The following NEK6 variants were observed in gnomAD, a reference collection of about 807,000 sequenced individuals.
The protein encoded by NEK6 is NIMA related kinase 6, also known as serine/threonine-protein kinase Nek6.
Under a neutral mutation model 43.5 loss-of-function variants are expected in NEK6, and 27 were observed. The ratio of observed to expected loss-of-function variants is 0.62; its 90% confidence interval spans 0.46 to 0.86. The LOEUF is 0.86. NEK6 is among the 40% of genes least tolerant of loss of function. NEK6 has a pLI of 0.00. For synonymous variants in NEK6, 167 were observed against 164.1 expected (o/e 1.02, Z -0.14); for missense variants, 318 against 414.4 (o/e 0.77, Z 2.02).
chr9:124,331,687 C>T lies in NEK6; in HGVS notation c.622+4242C>T, dbSNP rs543581302. On this transcript the variant is annotated intron_variant, in intron 7 of 9. Coordinates refer to ENST00000320246, the MANE Select transcript of NEK6 (RefSeq NM_014397.6). ...AGCCTCCTCTCATGGTGTGTGTCAG[C>T]GCTGCCTTGCCGGGGATCACACCAT... 2.6e-5 allele frequency among the ~76,000 whole-genome samples: 4 copies of T among 152,342 alleles called. No homozygotes were observed. In the South Asian group the frequency reaches 8.3e-4, roughly 32 times the overall value.
chr9:124,340,145 C>CCTCTCCCCAAAGACCACCAT (rs1451262003), intron 8 of NEK6, among the ~76,000 whole-genome samples: 16 of 151,970 alleles, frequency 1.1e-4, no homozygotes, highest in Admixed American at 1.0e-3. Flanking sequence ...AAGACCACCA[C>CCTCTCCCCAAAGACCACCAT]CTCTCCCCTG....
chr9:124,335,601 C>T (rs1829248435), intron 7 of NEK6, among the ~76,000 whole-genome samples: 1 of 152,224 alleles, frequency 6.6e-6, no homozygotes, highest in African/African-American at 2.4e-5. Flanking sequence ...GGCAGTGGCA[C>T]GCGCCGCCAC....
At chr9:124,285,644 C>G (rs1019812308) in intron 1 of NEK6, among the ~76,000 whole-genome samples, 9 of 152,152 alleles carry the variant, frequency 5.9e-5, no homozygotes, top group African/African-American at 1.9e-4. Context: ...CAAACACAGG[C>G]CCGCTGGCTC....
chr9:124,264,258 C>T lies in NEK6; in HGVS notation c.-30+6173C>T, dbSNP rs142131032. 6.9e-3 allele frequency among the ~76,000 whole-genome samples: 1,053 copies of T among 152,334 alleles called. 8 individuals are homozygous for T. The highest frequency in any genetic ancestry group is 0.022 in the South Asian group (108 of 4,826). On this transcript the variant is annotated intron_variant, in intron 1 of 9. Coordinates refer to ENST00000320246, the MANE Select transcript of NEK6 (RefSeq NM_014397.6). ...GGGCGGCTTCTCTGCCAGCTCGTCACACCCTAGACCCAGCTGTAGTCTGTG... is the reference window on the plus strand; with the variant it reads ...GGGCGGCTTCTCTGCCAGCTCGTCATACCCTAGACCCAGCTGTAGTCTGTG...
intron 4 of NEK6, among the ~76,000 whole-genome samples, chr9:124,316,490 C>A (rs1347129495): frequency 6.6e-6 from 1 of 152,196 alleles, no homozygotes; most frequent in Non-Finnish European, 1.5e-5. Context: ...TTCCCTCTGG[C>A]CACCACCACA....
rs376442688 is a variant in NEK6, at chr9:124,321,583, G to A, written c.405+14G>A. ...CAGATGATCAAGGTGAGCGCCTGGC[G>A]GGGTGGGGGTGCTGGGGGCTGCGCA... On this transcript the variant is annotated intron_variant, in intron 5 of 9. Coordinates refer to ENST00000320246, the MANE Select transcript of NEK6 (RefSeq NM_014397.6). The A allele has an allele frequency of 5.2e-6, 8 of 1,529,246 alleles. No homozygotes were observed. Among genetic ancestry groups the A allele is most frequent in the South Asian group, 3.4e-5 (3 of 89,410 alleles). 94.7% of individuals were successfully genotyped at this position (1,529,246 alleles called of 1,614,324 possible).
chr9:124,267,185 C>T (rs1226895239), intron 1 of NEK6, among the ~76,000 whole-genome samples: 2 of 152,262 alleles, frequency 1.3e-5, no homozygotes, highest in East Asian at 1.9e-4. Flanking sequence ...CCCCAGATTA[C>T]ACCCCATCTT....
chr9:124,289,856 G>A (rs939742970), intron 1 of NEK6, among the ~76,000 whole-genome samples: 3 of 152,208 alleles, frequency 2.0e-5, no homozygotes, highest in Non-Finnish European at 4.4e-5. Context: ...AAGATAGCCT[G>A]TGACTTTCCC....
In NEK6 at chr9:124,351,145, G is replaced by C; in HGVS notation, c.*198G>C. ...GGGGCGCTGGCCACATGTCACTGAT[G>C]GTCAGATTCCAAAGTCCTTTCTTTA... On this transcript the variant is annotated 3_prime_UTR_variant, in exon 10 of 10. Coordinates refer to ENST00000320246, the MANE Select transcript of NEK6 (RefSeq NM_014397.6). 1 of 543,652 alleles carries C rather than the reference G, an allele frequency of 1.8e-6. No homozygotes were observed. Among genetic ancestry groups the C allele is most frequent in the East Asian group, 3.1e-5 (1 of 32,124 alleles). 33.7% of individuals were successfully genotyped at this position (543,652 alleles called of 1,614,324 possible).
Position 124,326,202 on chromosome 9 carries a change from T to TCCCCCCCCCCCCCCCCCCCCCC in NEK6, c.406-117_406-116insCCCCCCCCCCCCCCCCCCCCCC, listed in dbSNP as rs61223297. ...GCTTATTGTTTGCTCAGTGGCTCAA[T>TCCCCCCCCCCCCCCCCCCCCCC]CCCCCCCCCCCGCCCCTGCCAGGCA... On this transcript the variant is annotated intron_variant, in intron 5 of 9. Transcript: ENST00000320246. The surrounding 1 kb of genome is among the most constrained non-coding windows in gnomAD (Gnocchi z 4.5). 464 of 125,206 alleles carry TCCCCCCCCCCCCCCCCCCCCCC rather than the reference T, an allele frequency of 3.7e-3. 87 individuals are homozygous for TCCCCCCCCCCCCCCCCCCCCCC. Among genetic ancestry groups the TCCCCCCCCCCCCCCCCCCCCCC allele is most frequent in the South Asian group, 7.9e-3 (122 of 15,392 alleles). The allele number at this position is 125,206 out of a possible 1,614,324, so 7.8% of individuals were successfully genotyped here.
intron 7 of NEK6, among the ~76,000 whole-genome samples, chr9:124,329,039 C>G (rs1170156648): frequency 6.6e-6 from 1 of 152,238 alleles, no homozygotes; most frequent in African/African-American, 2.4e-5. Flanking sequence ...GGCAGCAGGC[C>G]TCTCCTTCAG....
intron 7 of NEK6, among the ~76,000 whole-genome samples, chr9:124,330,181 G>T (rs1828899921): frequency 6.6e-6 from 1 of 152,220 alleles, no homozygotes; most frequent in Non-Finnish European, 1.5e-5. Context: ...TGGCAGAGTG[G>T]CTGCCTCGGT....
chr9:124,314,062 A>G lies in NEK6; in HGVS notation c.294+77A>G, dbSNP rs1833693738. 4 of 1,314,482 alleles carry G rather than the reference A, an allele frequency of 3.0e-6. No homozygotes were observed. The African/African-American group carries it at 4.4e-5, about 14-fold the overall frequency. 81.4% of individuals were successfully genotyped at this position (1,314,482 alleles called of 1,614,324 possible). On this transcript the variant is annotated intron_variant, in intron 4 of 9. Coordinates refer to ENST00000320246, the MANE Select transcript of NEK6 (RefSeq NM_014397.6). ...GCCGCGGCTGGGCCACATCATGTCC[A>G]TCACAGCCCTTGGGTGCCAGGAATC...
chr9:124,312,512 C>T lies in NEK6; in HGVS notation c.94C>T (p.His32Tyr). ...GPVHPPDPQRHPNTLSFRCSL... is the reference protein window; with the variant it reads ...GPVHPPDPQRYPNTLSFRCSL... ...GGCCCTCTGTCCCCCGTTCCAGAGG[C>T]ATCCCAACACGCTGTCTTTTCGCTG... Residue 32 changes from histidine (H) to tyrosine (Y), a missense_variant, in exon 3 of 10, where the codon CAT becomes TAT. By Grantham distance (83) the His-to-Tyr change is moderately conservative (BLOSUM62 2). Transcript: ENST00000320246. 2 of 1,613,440 alleles carry T rather than the reference C, an allele frequency of 1.2e-6. No homozygotes were observed. The highest frequency in any genetic ancestry group is 2.2e-5 in the East Asian group (1 of 44,860).
intron 1 of NEK6, among the ~76,000 whole-genome samples, chr9:124,278,097 G>A (rs533571078): frequency 2.6e-5 from 4 of 152,258 alleles, no homozygotes; most frequent in East Asian, 1.9e-4. Context: ...CCTTTTCCAC[G>A]TGTAAACACA....
At position 124,301,958 on chromosome 9, in the gene NEK6, A is replaced by C; in HGVS notation, c.-7A>C. The C allele has an allele frequency of 6.3e-7, 1 of 1,594,850 alleles. No homozygotes were observed. ...CAGTTCGTGCCCTCGTGAGGCTGGC[A>C]TGCAGGATGGCAGGACAGCCCGGCC... On this transcript the variant is annotated 5_prime_UTR_variant, in exon 2 of 10. An upstream start codon of the reference 5' UTR is lost. Transcript: ENST00000320246.
intron 1 of NEK6, among the ~76,000 whole-genome samples, chr9:124,281,562 G>A (rs1423325814): frequency 7.2e-5 from 10 of 138,446 alleles, no homozygotes. Flanking sequence ...GTGCAGTGGT[G>A]CGATCCCAGC....
At chr9:124,283,409 G>T (rs778825926) in intron 1 of NEK6, among the ~76,000 whole-genome samples, 30 of 152,258 alleles carry the variant, frequency 2.0e-4, no homozygotes, top group Non-Finnish European at 4.1e-4. Flanking sequence ...CCGGGCAGGG[G>T]TGGGGAAGTT....
At chr9:124,313,782 G>A in intron 3 of NEK6, 141 bp from the exon 4 acceptor site, 1 of 750,148 alleles carries the variant, frequency 1.3e-6, no homozygotes, top group Non-Finnish European at 2.2e-6. Context: ...CCCTACAGGG[G>A]CTGGGAGTGC....
Sources: gnomAD v4.1 joint callset for allele counts (sites outside exome capture counted in the v4.1 genomes callset) on GRCh38, gnomAD v4.1.1 for gene constraint, Gnocchi (gnomAD v3.1) non-coding constraint, MANE v1.5 for transcripts, NCBI Gene and HGNC (gene_info 2026-07-23, HGNC 2026-07-21) for gene names.